The following ADGRB3 variants were observed in gnomAD, a reference collection of about 807,000 sequenced individuals.
The protein encoded by ADGRB3 is adhesion G protein-coupled receptor B3, also known as brain-specific angiogenesis inhibitor 3.
Under a neutral mutation model 193.4 loss-of-function variants are expected in ADGRB3, and 37 were observed. That is an observed-to-expected ratio of 0.19 (90% CI 0.15 to 0.25). The LOEUF (loss-of-function observed/expected upper bound fraction) is 0.25, where lower values mean the gene tolerates loss of function less well. Ranked by LOEUF, ADGRB3 falls within the 10% of genes least tolerant of loss-of-function variation. The probability of loss-of-function intolerance (pLI) is 1.00; values close to 1 mark genes in which losing one functional copy is unlikely to be tolerated. For missense variants in ADGRB3, 1,637 were observed against 1,852.9 expected, an observed-to-expected ratio of 0.88 and a Z score of 2.14; for synonymous variants, 690 against 644.2, an observed-to-expected ratio of 1.07 and a Z score of -1.08.
At position 68,832,181 on chromosome 6, in the gene ADGRB3, A is replaced by G. The variant is rs1767968631; in HGVS notation, c.758-98378A>G. ...ATATAAAACTCTTAAGATTGTTGAC[A>G]TAAACATACTTGTGTAGAAAGACAT... On this transcript the variant is annotated intron_variant, in intron 3 of 31. Coordinates refer to ENST00000370598, the MANE Select transcript of ADGRB3 (RefSeq NM_001704.3). Among the ~76,000 whole-genome samples, 4 of 152,210 alleles carry G rather than the reference A, an allele frequency of 2.6e-5. No homozygotes were observed. The South Asian group carries it at 8.3e-4, about 32-fold the overall frequency.
At chr6:69,105,573 T>G (rs1027421817) in intron 17 of ADGRB3, among the ~76,000 whole-genome samples, 26 of 152,098 alleles carry the variant, frequency 1.7e-4, no homozygotes, top group African/African-American at 6.3e-4. Context: ...TTCTCTTACC[T>G]CTCCCCAAAC....
chr6:69,044,396 A>G (rs1310250612), intron 13 of ADGRB3, among the ~76,000 whole-genome samples: 1 of 152,198 alleles, frequency 6.6e-6, no homozygotes, highest in African/African-American at 2.4e-5. Context: ...CAGGACCTCA[A>G]TACAGCCAAA....
intron 29 of ADGRB3, among the ~76,000 whole-genome samples, chr6:69,362,026 TA>T (rs1212166661): frequency 3.3e-5 from 5 of 151,942 alleles, no homozygotes; most frequent in Non-Finnish European, 7.4e-5. Flanking sequence ...AACTAATTAT[TA>T]TTACAGTAGA....
At chr6:68,668,508 C>A (rs1384454797) in intron 3 of ADGRB3, among the ~76,000 whole-genome samples, 7 of 151,906 alleles carry the variant, frequency 4.6e-5, no homozygotes, top group Admixed American at 3.3e-4. Context: ...AATTTCCTAT[C>A]AGTTTAATGA....
At chr6:68,943,208 A>G (rs965735417) in intron 5 of ADGRB3, among the ~76,000 whole-genome samples, 1 of 152,190 alleles carries the variant, frequency 6.6e-6, no homozygotes, top group Non-Finnish European at 1.5e-5. Flanking sequence ...CAGGGCAAAG[A>G]GGAATATTTT....
At position 68,936,634 on chromosome 6, in the gene ADGRB3, C is replaced by G. The variant is rs1198601486; in HGVS notation, c.984C>G (p.Gly328=). Residue 328 remains glycine (G), a synonymous_variant, in exon 5 of 32, where the codon GGC becomes GGG. Coordinates refer to ENST00000370598, the MANE Select transcript of ADGRB3 (RefSeq NM_001704.3). The stretch of plus-strand genomic sequence containing the variant: ...CACCTTACGGGACACACTGCAGCGG[C>G]CCATTAAGAGAATCAAGGGTTTGCA... ...CVSPYGTHCS[G]PLRESRVCNN... is the part of the protein sequence containing the mutation. 3 of 1,613,738 alleles carry G rather than the reference C, an allele frequency of 1.9e-6. No homozygotes were observed. The highest frequency in any genetic ancestry group is 8.5e-7 in the Non-Finnish European group (1 of 1,179,914).
intron 17 of ADGRB3, among the ~76,000 whole-genome samples, chr6:69,179,405 A>T (rs977680509): frequency 6.6e-6 from 1 of 152,220 alleles, no homozygotes; most frequent in Middle Eastern, 3.4e-3. Flanking sequence ...AAGTTTCTTT[A>T]TGTAGATTTT....
intron 5 of ADGRB3, among the ~76,000 whole-genome samples, chr6:68,940,451 G>T (rs1767603468): frequency 6.6e-6 from 1 of 150,594 alleles, no homozygotes; most frequent in African/African-American, 2.4e-5. Context: ...TGTCACCTGG[G>T]GAACAAAACT....
chr6:69,321,562 A>C (rs1421863998), intron 20 of ADGRB3, among the ~76,000 whole-genome samples: 1 of 151,770 alleles, frequency 6.6e-6, no homozygotes, highest in African/African-American at 2.4e-5. Context: ...AAGGAGATTC[A>C]GGATTTGAGG....
At chr6:69,320,399 C>G (rs1768421148) in intron 20 of ADGRB3, among the ~76,000 whole-genome samples, 1 of 151,228 alleles carries the variant, frequency 6.6e-6, no homozygotes, top group African/African-American at 2.4e-5. Context: ...ACATGTGCAG[C>G]TTTGTTAGAC....
At chr6:69,296,765 A>G (rs1409042364) in intron 20 of ADGRB3, among the ~76,000 whole-genome samples, 1 of 152,124 alleles carries the variant, frequency 6.6e-6, no homozygotes, top group African/African-American at 2.4e-5. Flanking sequence ...AGACCAAGAC[A>G]TGATAGTTCA....
intron 3 of ADGRB3, among the ~76,000 whole-genome samples, chr6:68,902,891 T>C (rs908076890): frequency 6.6e-6 from 1 of 152,180 alleles, no homozygotes; most frequent in Non-Finnish European, 1.5e-5. Context: ...TTGATTAATA[T>C]CACGTTTTAT....
At chr6:68,829,618 C>G (rs1179851419) in intron 3 of ADGRB3, among the ~76,000 whole-genome samples, 4 of 152,036 alleles carry the variant, frequency 2.6e-5, no homozygotes, top group African/African-American at 9.7e-5. Context: ...ATATTTTTAA[C>G]AAAACCATAT....
chr6:68,638,191 A>G (rs1486393287), intron 2 of ADGRB3, among the ~76,000 whole-genome samples: 1 of 152,216 alleles, frequency 6.6e-6, no homozygotes, highest in Non-Finnish European at 1.5e-5. Flanking sequence ...TAATGTGATG[A>G]CAGCTGTTCC....
intron 3 of ADGRB3, among the ~76,000 whole-genome samples, chr6:68,827,380 A>C (rs1045609255): frequency 6.6e-6 from 1 of 152,110 alleles, no homozygotes; most frequent in Non-Finnish European, 1.5e-5. Flanking sequence ...TTTTTTAAAA[A>C]AATAATAATA....
At chr6:69,031,099 C>CTCT (rs1770662920) in intron 13 of ADGRB3, among the ~76,000 whole-genome samples, 1 of 76,264 alleles carries the variant, frequency 1.3e-5, no homozygotes, top group Non-Finnish European at 2.9e-5. Context: ...CTCTTCTCTT[C>CTCT]TCTTCTCTTC....
intron 17 of ADGRB3, among the ~76,000 whole-genome samples, chr6:69,157,394 G>C (rs1265109261): frequency 6.6e-6 from 1 of 152,168 alleles, no homozygotes; most frequent in South Asian, 2.1e-4. Context: ...AAAGATGAAG[G>C]TTGTACATTG....
At chr6:68,967,424 A>G (rs965585866) in intron 8 of ADGRB3, among the ~76,000 whole-genome samples, 5 of 152,112 alleles carry the variant, frequency 3.3e-5, no homozygotes, top group Non-Finnish European at 7.4e-5. Flanking sequence ...GGGGGATTCT[A>G]AAAAATGGTC....
At chr6:68,858,707 T>C (rs894107483) in intron 3 of ADGRB3, among the ~76,000 whole-genome samples, 1 of 152,070 alleles carries the variant, frequency 6.6e-6, no homozygotes, top group African/African-American at 2.4e-5. Context: ...AGAGAATGGC[T>C]TGGGGCTTGC....
Sources: allele counts gnomAD v4.1 joint callset (sites outside exome capture counted in the v4.1 genomes callset), GRCh38; gene constraint gnomAD v4.1.1; transcripts MANE v1.5; gene names NCBI Gene and HGNC (gene_info 2026-07-23, HGNC 2026-07-21).